Variants in CELF4 observed in about 807,000 individuals in gnomAD.
CELF4 encodes CUGBP Elav-like family member 4, also known as CUG-BP- and ETR-3-like factor 4.
In CELF4, 18 loss-of-function variants were observed where a neutral mutation model predicts 59.9. The observed-to-expected ratio is 0.30, with a 90% CI of 0.21 to 0.45. The LOEUF is 0.45. CELF4 is among the 20% of genes least tolerant of loss of function. The probability of loss-of-function intolerance (pLI) is 1.00; values close to 1 mark genes in which losing one functional copy is unlikely to be tolerated. For synonymous variants in CELF4, 261 were observed against 267.1 expected (o/e 0.98, Z 0.22); for missense variants, 456 against 689.0 (o/e 0.66, Z 3.79).
chr18:37,554,825 T>A (rs188573232), intron 1 of CELF4, among the ~76,000 whole-genome samples: 25 of 152,228 alleles, frequency 1.6e-4, no homozygotes, highest in African/African-American at 5.1e-4. Flanking sequence ...AGGGTTCTTA[T>A]AAGAAAGAGA....
chr18:37,277,017 G>A (rs1046176731), intron 3 of CELF4, among the ~76,000 whole-genome samples: 10 of 152,164 alleles, frequency 6.6e-5, no homozygotes, highest in African/African-American at 2.4e-4. Context: ...TGCCCAAATT[G>A]TCAGGAGAGT....
At chr18:37,251,409 G>T (rs942811784) in intron 12 of CELF4, among the ~76,000 whole-genome samples, 4 of 152,034 alleles carry the variant, frequency 2.6e-5, no homozygotes, top group African/African-American at 9.7e-5. Flanking sequence ...CAATAAACCT[G>T]CCTTCTCACT....
At chr18:37,452,531 A>G (rs1053450492) in intron 2 of CELF4, among the ~76,000 whole-genome samples, 2 of 151,950 alleles carry the variant, frequency 1.3e-5, no homozygotes, top group African/African-American at 2.4e-5. Context: ...GAGGGGCTAA[A>G]ATGTCACCTC....
chr18:37,272,459 G>T (rs887667117), intron 7 of CELF4, among the ~76,000 whole-genome samples: 3 of 151,568 alleles, frequency 2.0e-5, no homozygotes, highest in Admixed American at 6.6e-5. Flanking sequence ...CATGATTTGT[G>T]AGCTGGGTTC....
intron 2 of CELF4, among the ~76,000 whole-genome samples, chr18:37,415,207 AG>A (rs1212657330): frequency 6.6e-6 from 1 of 152,162 alleles, no homozygotes; most frequent in East Asian, 1.9e-4. Flanking sequence ...AGAGACATGG[AG>A]GGTGAACAGG....
intron 2 of CELF4, among the ~76,000 whole-genome samples, chr18:37,448,895 G>A (rs1374519547): frequency 2.6e-5 from 4 of 152,274 alleles, no homozygotes; most frequent in Non-Finnish European, 4.4e-5. Context: ...GGGCCCACAC[G>A]CCACAGCCAC....
chr18:37,560,175 A>C (rs1603644217), intron 1 of CELF4, among the ~76,000 whole-genome samples: 1 of 152,218 alleles, frequency 6.6e-6, no homozygotes, highest in Non-Finnish European at 1.5e-5. Context: ...GTTGAATTGC[A>C]CTGAAATCTA....
chr18:37,262,730 C>T (rs546625218), intron 10 of CELF4, among the ~76,000 whole-genome samples: 17 of 152,280 alleles, frequency 1.1e-4, no homozygotes, highest in Admixed American at 7.8e-4. Context: ...GAGCGGGCAA[C>T]ATGGGGACTC....
intron 2 of CELF4, among the ~76,000 whole-genome samples, chr18:37,348,281 G>T (rs2098337786): frequency 1.3e-5 from 2 of 152,308 alleles, no homozygotes; most frequent in Non-Finnish European, 2.9e-5. Flanking sequence ...AGGCTCAGGA[G>T]CTACACGCAC....
chr18:37,506,273 T>A (rs16968988), intron 1 of CELF4, among the ~76,000 whole-genome samples: 2 of 152,052 alleles, frequency 1.3e-5, no homozygotes, highest in African/African-American at 4.8e-5. Context: ...CAAAAATAAT[T>A]TAGGAAACAA....
At chr18:37,290,775 G>C (rs1212753428) in intron 3 of CELF4, among the ~76,000 whole-genome samples, 1 of 152,154 alleles carries the variant, frequency 6.6e-6, no homozygotes, top group Non-Finnish European at 1.5e-5. Context: ...ATAACCAAGG[G>C]AGTGAAAATG....
chr18:37,295,950 G>T (rs575776806), intron 3 of CELF4, among the ~76,000 whole-genome samples: 1 of 152,310 alleles, frequency 6.6e-6, no homozygotes, highest in South Asian at 2.1e-4. Flanking sequence ...TGTGAGATTG[G>T]TGCATCCCAC....
intron 2 of CELF4, among the ~76,000 whole-genome samples, chr18:37,346,224 C>A (rs1277868408): frequency 1.3e-5 from 2 of 152,352 alleles, no homozygotes; most frequent in East Asian, 3.9e-4. Flanking sequence ...AGTGCAGCTG[C>A]ATTCCGGCAT....
chr18:37,415,308 T>C (rs2099518641), intron 2 of CELF4, among the ~76,000 whole-genome samples: 1 of 152,316 alleles, frequency 6.6e-6, no homozygotes, highest in African/African-American at 2.4e-5. Context: ...GGTGTGATAG[T>C]GGAGAAAATC....
intron 1 of CELF4, among the ~76,000 whole-genome samples, chr18:37,495,218 C>T (rs996969359): frequency 1.3e-5 from 2 of 152,122 alleles, no homozygotes; most frequent in South Asian, 2.1e-4. Flanking sequence ...TCAGTGGGGA[C>T]GGCCCACAGT....
intron 3 of CELF4, among the ~76,000 whole-genome samples, chr18:37,315,162 G>A (rs922031243): frequency 6.6e-6 from 1 of 152,112 alleles, no homozygotes; most frequent in Non-Finnish European, 1.5e-5. Flanking sequence ...TCCCTCCCAA[G>A]CCTGTGCCTT....
chr18:37,373,017 C>T (rs966797231), intron 2 of CELF4, among the ~76,000 whole-genome samples: 6 of 152,176 alleles, frequency 3.9e-5, no homozygotes, highest in Non-Finnish European at 4.4e-5. Flanking sequence ...ACTCCCTTTA[C>T]CTGGTAACTC....
At chr18:37,352,408 T>C (rs1043457328) in intron 2 of CELF4, among the ~76,000 whole-genome samples, 35 of 151,996 alleles carry the variant, frequency 2.3e-4, no homozygotes, top group African/African-American at 5.8e-4. Context: ...TTTGGGAGGG[T>C]GAGGCGGGAG....
intron 3 of CELF4, among the ~76,000 whole-genome samples, chr18:37,281,952 T>C (rs960710993): frequency 4.6e-5 from 7 of 152,136 alleles, no homozygotes; most frequent in African/African-American, 1.7e-4. Flanking sequence ...GAGACACACC[T>C]GACTCAACAG....
Sources: gnomAD v4.1 joint callset for allele counts (sites outside exome capture counted in the v4.1 genomes callset) on GRCh38, gnomAD v4.1.1 for gene constraint, MANE v1.5 for transcripts, NCBI Gene and HGNC (gene_info 2026-07-23, HGNC 2026-07-21) for gene names.